Variants in STKLD1 observed in about 807,000 individuals in gnomAD.
The protein encoded by STKLD1 is serine/threonine kinase like domain containing 1.
A neutral mutation model predicts 80.4 loss-of-function variants in STKLD1; 79 were observed. The ratio of observed to expected loss-of-function variants is 0.98; its 90% confidence interval spans 0.82 to 1.19. The LOEUF (loss-of-function observed/expected upper bound fraction) is 1.19. Ranked by LOEUF, STKLD1 falls within the 50% of genes most tolerant of loss-of-function variation. STKLD1 has a pLI of 0.00. For synonymous variants in STKLD1, 393 were observed against 357.6 expected, an observed-to-expected ratio of 1.10 and a Z score of -1.12; for missense variants, 841 against 856.0, an observed-to-expected ratio of 0.98 and a Z score of 0.22.
intron 2 of STKLD1, among the ~76,000 whole-genome samples, chr9:133,382,385 T>C (rs2130268254): frequency 1.3e-5 from 2 of 152,356 alleles, no homozygotes; most frequent in South Asian, 4.1e-4. Flanking sequence ...TAGGAATATC[T>C]TCCATTTGTG....
chr9:133,401,839 G>C lies in STKLD1; in HGVS notation c.1300G>C (p.Val434Leu), dbSNP rs28418384. Residue 434 changes from valine to leucine, a missense_variant, in exon 13 of 18, where the codon GTC (valine) becomes CTC (leucine). Coordinates refer to ENST00000371957, the MANE Select transcript of STKLD1 (RefSeq NM_153710.5). The stretch of plus-strand genomic sequence containing the variant: ...CCACCCCGAGGAGGAGCCACTTCTT[G>C]TCATGGTCTACAGCCTGCTAGCCAT... ...QSHPEEEPLL[V>L]MVYSLLAITT... is the part of the protein sequence containing the mutation. The C allele has an allele frequency of 2.8e-4, 452 of 1,613,698 alleles. 1 individual carries two copies. In the African/African-American group the frequency reaches 5.3e-3, roughly 19 times the overall value.
rs782360577 is a variant in STKLD1, at chr9:133,403,916, G to A, written c.1604-4G>A. On this transcript the variant is annotated splice_region_variant and splice_polypyrimidine_tract_variant and intron_variant, in intron 15 of 17. Coordinates refer to ENST00000371957, the MANE Select transcript of STKLD1 (RefSeq NM_153710.5). Reference sequence around the variant, plus strand: ...GCACAAGGCAGCCCGGCCCCTTTCTGCAGGCTGCATCAAGGAGCAGCAGTT... The same window carrying A: ...GCACAAGGCAGCCCGGCCCCTTTCTACAGGCTGCATCAAGGAGCAGCAGTT... 4 of 1,606,030 alleles carry A rather than the reference G, an allele frequency of 2.5e-6. No homozygotes were observed. In the East Asian group the frequency reaches 8.9e-5, roughly 36 times the overall value.
chr9:133,401,199 C>T (rs587747401), intron 12 of STKLD1, among the ~76,000 whole-genome samples: 1 of 147,204 alleles, frequency 6.8e-6, no homozygotes, highest in East Asian at 2.0e-4. Context: ...AGTGCAGTGG[C>T]GCACTCTCGG....
chr9:133,381,068 T>C (rs2130264917), intron 2 of STKLD1, among the ~76,000 whole-genome samples: 12 of 151,756 alleles, frequency 7.9e-5, no homozygotes, highest in Non-Finnish European at 1.5e-4. Context: ...TTGTTTTGTT[T>C]AGCATCCATG....
intron 11 of STKLD1, among the ~76,000 whole-genome samples, chr9:133,399,735 C>G (rs901610256): frequency 1.3e-5 from 2 of 152,164 alleles, no homozygotes; most frequent in Non-Finnish European, 1.5e-5. Flanking sequence ...AAAAATTAGC[C>G]AGACGTGGTG....
Position 133,402,861 on chromosome 9 carries a change from T to A in STKLD1, c.1340-17T>A. The A allele has an allele frequency of 6.3e-7, 1 of 1,594,042 alleles. No individual in the cohort carries two copies. The highest frequency in any genetic ancestry group is 8.5e-7 in the Non-Finnish European group (1 of 1,170,058). Reference sequence around the variant, plus strand: ...GGAGGGAGGGGCCCTGGGGCCCTCATTCTGGCTCACCCACAGAGTCAGAGT... The same window carrying A: ...GGAGGGAGGGGCCCTGGGGCCCTCAATCTGGCTCACCCACAGAGTCAGAGT... On this transcript the variant is annotated splice_polypyrimidine_tract_variant and intron_variant, in intron 13 of 17. Coordinates refer to ENST00000371957, the MANE Select transcript of STKLD1 (RefSeq NM_153710.5).
At position 133,394,559 on chromosome 9, in the gene STKLD1, G is replaced by A. The variant is rs138239337; in HGVS notation, c.702+150G>A. 261 of 662,364 alleles carry A rather than the reference G, an allele frequency of 3.9e-4. No individual in the cohort carries two copies. In the East Asian group the frequency reaches 6.5e-3, roughly 16 times the overall value. 41.0% of individuals were successfully genotyped at this position (662,364 alleles called of 1,614,324 possible). On this transcript the variant is annotated intron_variant, in intron 8 of 17. Coordinates refer to ENST00000371957, the MANE Select transcript of STKLD1 (RefSeq NM_153710.5). This position sits in a 1 kb window ranked among gnomAD's most constrained non-coding sequence, Gnocchi z 4.9. ...AGAGCCCTCTTCTCCACCTGCGAGG[G>A]GCCTGCCCTCCTCAGAACCCCTCAG...
chr9:133,400,776 G>C (rs587637566), intron 12 of STKLD1, among the ~76,000 whole-genome samples: 54 of 152,324 alleles, frequency 3.5e-4, no homozygotes, highest in Admixed American at 5.9e-4. Context: ...GAGAGTCCAT[G>C]CCATCCTGTG....
rs2130286695 is a variant in STKLD1, at chr9:133,390,551, T to C, written c.468-130T>C. On this transcript the variant is annotated intron_variant, in intron 6 of 17. Transcript: ENST00000371957. This position sits in a 1 kb window ranked among gnomAD's most constrained non-coding sequence, Gnocchi z 5.1. ...AGGAGAGGAGGATGTGGGCTGCTGC[T>C]GCAGAACCAGGTGGGGCAGGGAGCA... 1 of 682,864 alleles carries C rather than the reference T, an allele frequency of 1.5e-6. No individual in the cohort carries two copies. The highest frequency in any genetic ancestry group is 2.6e-6 in the Non-Finnish European group (1 of 379,836). 42.3% of individuals were successfully genotyped at this position (682,864 alleles called of 1,614,324 possible).
In STKLD1 at chr9:133,383,370, GATGATGGTA is replaced by G. The variant is rs1452698442; in HGVS notation, c.175-468_175-460del. On this transcript the variant is annotated intron_variant, in intron 2 of 17. Transcript: ENST00000371957. ...TGATGGTAATGATGGTGATGGCAGTGATGATGGTAATGATGGTAATGATGGTGATGATAT... is the reference window on the plus strand; with the variant it reads ...TGATGGTAATGATGGTGATGGCAGTGATGATGGTAATGATGGTGATGATAT... 7.7e-4 allele frequency among the ~76,000 whole-genome samples: 96 copies of G among 124,744 alleles called. 2 individuals carry two copies. The highest frequency in any genetic ancestry group is 5.0e-4 in the Non-Finnish European group (29 of 58,434). The allele number at this position is 124,744 out of a possible 152,430, so 81.8% of individuals were successfully genotyped here.
rs782335607 is a variant in STKLD1, at chr9:133,401,874, C to A, written c.1335C>A (p.Thr445=). The A allele has an allele frequency of 3.7e-6, 6 of 1,613,132 alleles. No individual in the cohort carries two copies. The Admixed American group carries it at 8.3e-5, about 22-fold the overall frequency. Residue 445 remains threonine (T), a synonymous_variant, in exon 13 of 18, where the codon ACC becomes ACA. Transcript: ENST00000371957. ...ACAGCCTGCTAGCCATCACCACAACCCAGGGTGTGTCTGCCAGCCACCTCC... is the reference window on the plus strand; with the variant it reads ...ACAGCCTGCTAGCCATCACCACAACACAGGGTGTGTCTGCCAGCCACCTCC... ...MVYSLLAITT[T]QESESLSEEL...
chr9:133,390,593 A>G lies in STKLD1; in HGVS notation c.468-88A>G, dbSNP rs973235578. 3.2e-6 allele frequency: 3 copies of G among 933,222 alleles called. No homozygotes were observed. The allele number at this position is 933,222 out of a possible 1,614,324, so 57.8% of individuals were successfully genotyped here. On this transcript the variant is annotated intron_variant, in intron 6 of 17. Coordinates refer to ENST00000371957, the MANE Select transcript of STKLD1 (RefSeq NM_153710.5). This position sits in a 1 kb window ranked among gnomAD's most constrained non-coding sequence, Gnocchi z 5.1. ...CAGGGAGCAGAGAGTCAGGCTCAGC[A>G]CACACACTGGTCCCACCTGGGGTTG...
chr9:133,393,334 AGGTG>A (rs1230199030), intron 7 of STKLD1, among the ~76,000 whole-genome samples: 1 of 8,272 alleles, frequency 1.2e-4, no homozygotes, highest in Non-Finnish European at 2.4e-4. Context: ...GTGGATGGAT[AGGTG>A]GGTGGGTGGG....
At chr9:133,397,031 TC>T in intron 9 of STKLD1, 132 bp from the exon 10 acceptor site, 1 of 1,331,468 alleles carries the variant, frequency 7.5e-7, no homozygotes, top group Non-Finnish European at 1.0e-6. Context: ...GCCAAATGAA[TC>T]CCAAAACAGG....
chr9:133,379,253 A>G, intron 2 of STKLD1, 131 bp downstream of exon 2: 4 of 723,332 alleles, frequency 5.5e-6, no homozygotes, highest in Non-Finnish European at 9.2e-6. Context: ...ACACTTGCGG[A>G]GACTAATCTG....
At position 133,390,212 on chromosome 9, in the gene STKLD1, C is replaced by T. The variant is rs1256718926; in HGVS notation, c.468-469C>T. ...GACTTAAAACACACACACACACACA[C>T]ACACACACACACACACACACACACA... On this transcript the variant is annotated intron_variant, in intron 6 of 17. Coordinates refer to ENST00000371957, the MANE Select transcript of STKLD1 (RefSeq NM_153710.5). This position sits in a 1 kb window ranked among gnomAD's most constrained non-coding sequence, Gnocchi z 5.1. 4.3e-5 allele frequency among the ~76,000 whole-genome samples: 6 copies of T among 139,434 alleles called. No homozygotes were observed. The East Asian group carries it at 8.8e-4, about 20-fold the overall frequency. 91.5% of individuals were successfully genotyped at this position (139,434 alleles called of 152,430 possible).
At chr9:133,376,614 CCCT>C in intron 1 of STKLD1, 54 bp downstream of exon 1, 24 of 1,465,046 alleles carry the variant, frequency 1.6e-5, no homozygotes, top group Non-Finnish European at 2.1e-5. Flanking sequence ...ACGGTCGCAA[CCCT>C]GGAGCTACGG....
chr9:133,402,997 G>A lies in STKLD1; in HGVS notation c.1459G>A (p.Ala487Thr), dbSNP rs1554777984. Reference sequence around the variant, plus strand: ...CGCCAGCGGCCTGGGCCTGCTCTGGGCCCTCCTGCTGGACGGTGAGGGGCC... The same window carrying A: ...CGCCAGCGGCCTGGGCCTGCTCTGGACCCTCCTGCTGGACGGTGAGGGGCC... ...VCASGLGLLW[A>T]LLLDGIIVNK... The change falls in exon 14 of 18, where the codon GCC (alanine) becomes ACC (threonine). Residue 487 changes from alanine (A) to threonine (T), a missense_variant. Physicochemically the swap from Ala to Thr is moderately conservative, Grantham distance 58. Coordinates refer to ENST00000371957, the MANE Select transcript of STKLD1 (RefSeq NM_153710.5). 20 of 1,571,692 alleles carry A rather than the reference G, an allele frequency of 1.3e-5. No individual in the cohort carries two copies. Among genetic ancestry groups the A allele is most frequent in the South Asian group, 2.3e-5 (2 of 85,496 alleles).
At chr9:133,396,304 G>A (rs1838562330) in intron 9 of STKLD1, among the ~76,000 whole-genome samples, 2 of 152,254 alleles carry the variant, frequency 1.3e-5, no homozygotes, top group South Asian at 4.1e-4. Context: ...GTGTAGTGGT[G>A]CATGCCTGTG....
Sources: gnomAD v4.1 joint callset for allele counts (sites outside exome capture counted in the v4.1 genomes callset) on GRCh38, gnomAD v4.1.1 for gene constraint, Gnocchi (gnomAD v3.1) non-coding constraint, MANE v1.5 for transcripts, NCBI Gene and HGNC (gene_info 2026-07-23, HGNC 2026-07-21) for gene names.